OR11A1: variants seen among roughly 807,000 people sequenced by gnomAD.
OR11A1 encodes the protein olfactory receptor family 11 subfamily A member 1.
For missense variants in OR11A1, 380 were observed against 378.2 expected (o/e 1.00, Z -0.04); for synonymous variants, 158 against 152.2 (o/e 1.04, Z -0.28).
chr6:29,427,349 C>T lies in OR11A1; in HGVS notation c.293G>A (p.Cys98Tyr), dbSNP rs1782902487. 1 of 1,612,972 alleles carries T rather than the reference C, an allele frequency of 6.2e-7. No individual in the cohort carries two copies. The highest frequency in any genetic ancestry group is 1.3e-5 in the African/African-American group (1 of 74,914). ...GCCGAAGATAAAGAACTGGAGCAAGCAACCAGCCACAGAGATAGTTGCTTC... is the reference window on the plus strand; with the variant it reads ...GCCGAAGATAAAGAACTGGAGCAAGTAACCAGCCACAGAGATAGTTGCTTC... ...LQEATISVAGCLLQFFIFGSL... is the reference protein window; with the variant it reads ...LQEATISVAGYLLQFFIFGSL... The change falls in exon 5 of 5, where the codon TGC becomes TAC. Residue 98 changes from cysteine (C) to tyrosine (Y), a missense_variant. Physicochemically the swap from Cys to Tyr is radical, Grantham distance 194. Coordinates refer to ENST00000377149, the MANE Select transcript of OR11A1 (RefSeq NM_001394828.1).
Position 29,429,186 on chromosome 6 carries a change from A to G in OR11A1, c.-139-226T>C, listed in dbSNP as rs913678457. 1.0e-3 allele frequency among the ~76,000 whole-genome samples: 153 copies of G among 152,338 alleles called. 1 individual carries two copies. Among genetic ancestry groups the G allele is most frequent in the Non-Finnish European group, 1.7e-3 (119 of 68,028 alleles). ...AGTTTCCTAAGAGGTGAAAAACTGG[A>G]TGCCTCAGGGACCACAGTGCTGGGA... is the stretch of plus-strand genomic sequence containing the variant. On this transcript the variant is annotated intron_variant, in intron 3 of 4. Coordinates refer to ENST00000377149, the MANE Select transcript of OR11A1 (RefSeq NM_001394828.1).
intron 1 of OR11A1, chr6:29,439,279 G>A (rs1259572319): frequency 6.6e-6 from 1 of 152,162 alleles, no homozygotes. Flanking sequence ...CAATGTAAGA[G>A]GACTAAGTTT....
chr6:29,444,036 C>T (rs1784473961), intron 1 of OR11A1, among the ~76,000 whole-genome samples: 2 of 151,690 alleles, frequency 1.3e-5, no homozygotes, highest in African/African-American at 2.4e-5. Flanking sequence ...TGGTTTGGCT[C>T]TATGTCCCCA....
intron 3 of OR11A1, among the ~76,000 whole-genome samples, chr6:29,429,775 A>G (rs6904456): frequency 0.019 from 2,925 of 152,274 alleles, 61 homozygotes; most frequent in African/African-American, 0.042. Flanking sequence ...ATTAGGATTG[A>G]GGTGAAGAAT....
chr6:29,430,479 A>G (rs1339254424), intron 2 of OR11A1, 54 bp from the exon 3 acceptor site: 1 of 974,848 alleles, frequency 1.0e-6, no homozygotes, highest in Non-Finnish European at 1.2e-6. Flanking sequence ...CTAATAATAA[A>G]TAGCTCATGA....
intron 3 of OR11A1, among the ~76,000 whole-genome samples, chr6:29,429,314 C>T (rs1783088546): frequency 6.6e-6 from 1 of 152,134 alleles, no homozygotes; most frequent in African/African-American, 2.4e-5. Flanking sequence ...GTTAAATCCT[C>T]GAAGACCCAG....
At chr6:29,455,656 G>C (rs28855087) in intron 1 of OR11A1, among the ~76,000 whole-genome samples, 1 of 151,718 alleles carries the variant, frequency 6.6e-6, no homozygotes, top group African/African-American at 2.4e-5. Flanking sequence ...CGGGTGGATT[G>C]CCTGAGCTCA....
intron 1 of OR11A1, chr6:29,440,069 C>T (rs750791489): frequency 1.9e-6 from 3 of 1,613,200 alleles, no homozygotes; most frequent in Non-Finnish European, 2.5e-6. Flanking sequence ...GCTTCTCCCA[C>T]CTGGCCGACC....
At chr6:29,447,506 C>T (rs756244307) in intron 1 of OR11A1, among the ~76,000 whole-genome samples, 13 of 152,250 alleles carry the variant, frequency 8.5e-5, no homozygotes, top group Non-Finnish European at 1.6e-4. Context: ...TGAATTTGAA[C>T]GAGTGGTAGA....
At chr6:29,442,264 G>T (rs1784267911) in intron 1 of OR11A1, among the ~76,000 whole-genome samples, 1 of 152,112 alleles carries the variant, frequency 6.6e-6, no homozygotes. Context: ...ACCCAGCACA[G>T]ATATGAGCCA....
chr6:29,430,570 T>C (rs1261465153), intron 2 of OR11A1, 145 bp from the exon 3 acceptor site: 1 of 383,044 alleles, frequency 2.6e-6, no homozygotes, highest in East Asian at 1.6e-4. Flanking sequence ...AAACAGAAAG[T>C]CAAATATTGC....
chr6:29,439,666 A>G (rs898880382), intron 1 of OR11A1: 5 of 266,786 alleles, frequency 1.9e-5, no homozygotes, highest in African/African-American at 1.1e-4. Flanking sequence ...TTGGAAAATC[A>G]GAAAAGAGTG....
chr6:29,444,516 T>A (rs1471538864), intron 1 of OR11A1, among the ~76,000 whole-genome samples: 1 of 152,188 alleles, frequency 6.6e-6, no homozygotes, highest in East Asian at 1.9e-4. Flanking sequence ...AAAGGCTAAA[T>A]CAAATGAGCT....
At chr6:29,455,505 T>C (rs1373953861) in intron 1 of OR11A1, among the ~76,000 whole-genome samples, 3 of 152,194 alleles carry the variant, frequency 2.0e-5, no homozygotes, top group Non-Finnish European at 4.4e-5. Context: ...CATTGTATTA[T>C]ATACTGGAAA....
intron 1 of OR11A1, among the ~76,000 whole-genome samples, chr6:29,445,193 G>A (rs1008455592): frequency 3.3e-5 from 5 of 152,136 alleles, no homozygotes; most frequent in African/African-American, 1.2e-4. Flanking sequence ...TTTTAGTAGA[G>A]ACGGGGTTTC....
At chr6:29,428,319 T>C in intron 4 of OR11A1, 1 of 985,428 alleles carries the variant, frequency 1.0e-6, no homozygotes, top group Non-Finnish European at 1.2e-6. Context: ...TGGTAAATGG[T>C]AATAGGGAAG....
intron 4 of OR11A1, chr6:29,428,403 G>C: frequency 1.0e-6 from 1 of 985,562 alleles, no homozygotes; most frequent in Non-Finnish European, 1.2e-6. Flanking sequence ...TGGGATCAAG[G>C]TCGGGGAAGG....
At chr6:29,446,966 T>C (rs146623267) in intron 1 of OR11A1, among the ~76,000 whole-genome samples, 3 of 152,314 alleles carry the variant, frequency 2.0e-5, no homozygotes, top group African/African-American at 7.2e-5. Flanking sequence ...ATAACACAGT[T>C]GAGGACTCTG....
intron 1 of OR11A1, among the ~76,000 whole-genome samples, chr6:29,433,672 T>C (rs1391659400): frequency 1.4e-5 from 1 of 70,046 alleles, no homozygotes; most frequent in African/African-American, 5.6e-5. Flanking sequence ...TTATTTCCTT[T>C]GAATATATAC....
Sources: allele counts gnomAD v4.1 joint callset (sites outside exome capture counted in the v4.1 genomes callset), GRCh38; gene constraint gnomAD v4.1.1; transcripts MANE v1.5; gene names NCBI Gene and HGNC (gene_info 2026-07-23, HGNC 2026-07-21).